EYS: variants seen among roughly 807,000 people sequenced by gnomAD.
The protein encoded by EYS is EGF-like photoreceptor maintenance factor, also known as protein eyes shut homolog.
Under a neutral mutation model 282.1 loss-of-function variants are expected in EYS, and 250 were observed. That is an observed-to-expected ratio of 0.89 (90% CI 0.80 to 0.98). The LOEUF is 0.98. Ranked by LOEUF, EYS falls within the 50% of genes least tolerant of loss-of-function variation. The probability of loss-of-function intolerance (pLI) is 0.00; values close to 1 mark genes in which losing one functional copy is unlikely to be tolerated. For synonymous variants in EYS, 1,355 were observed against 1,282.9 expected (o/e 1.06, Z -1.20); for missense variants, 4,016 against 3,709.0 (o/e 1.08, Z -2.15).
At chr6:64,114,500 A>G (rs1372339889) in intron 31 of EYS, among the ~76,000 whole-genome samples, 2 of 152,170 alleles carry the variant, frequency 1.3e-5, no homozygotes, top group Non-Finnish European at 2.9e-5. Context: ...CTATAGCAGC[A>G]CAATAGGGCA....
At chr6:64,954,935 G>C (rs1297293068) in intron 14 of EYS, among the ~76,000 whole-genome samples, 1 of 152,152 alleles carries the variant, frequency 6.6e-6, no homozygotes, top group African/African-American at 2.4e-5. Flanking sequence ...TTGGAAGGCT[G>C]AGGCAGGTAG....
rs150384316 is a variant in EYS, at chr6:64,071,895, C to T, written c.6572-5404G>A. Among the ~76,000 whole-genome samples the T allele has an allele frequency of 2.3e-4, 35 of 151,696 alleles. No homozygotes were observed. In the East Asian group the frequency reaches 6.9e-3, roughly 30 times the overall value. On this transcript the variant is annotated intron_variant, in intron 32 of 42. Coordinates refer to ENST00000503581, the MANE Select transcript of EYS (RefSeq NM_001142800.2). ...GTCCCTGATACTAGGGAACATTTTA[C>T]TCTCGCACTGGACAAAGATGCCCAC...
chr6:65,704,269 A>T (rs1258260093), intron 1 of EYS, among the ~76,000 whole-genome samples: 1 of 152,226 alleles, frequency 6.6e-6, no homozygotes, highest in Non-Finnish European at 1.5e-5. Flanking sequence ...CTTCAACTCA[A>T]CTAGATGAGA....
intron 26 of EYS, among the ~76,000 whole-genome samples, chr6:64,521,845 A>G (rs933821350): frequency 4.0e-5 from 6 of 151,842 alleles, no homozygotes; most frequent in African/African-American, 7.3e-5. Flanking sequence ...CATGCAGCAT[A>G]TAATGAGAGC....
chr6:64,472,623 A>G (rs1776152506), intron 26 of EYS, among the ~76,000 whole-genome samples: 1 of 152,206 alleles, frequency 6.6e-6, no homozygotes, highest in African/African-American at 2.4e-5. Flanking sequence ...TATTTCACAT[A>G]TAAAATTTAG....
intron 13 of EYS, among the ~76,000 whole-genome samples, chr6:65,038,131 T>G (rs1477941106): frequency 6.6e-6 from 1 of 151,586 alleles, no homozygotes; most frequent in African/African-American, 2.4e-5. Context: ...CATCCTGTTC[T>G]TAGCTAAAAT....
At chr6:65,134,195 A>G (rs1284833851) in intron 12 of EYS, among the ~76,000 whole-genome samples, 1 of 152,124 alleles carries the variant, frequency 6.6e-6, no homozygotes, top group East Asian at 1.9e-4. Context: ...CATTGTGGAA[A>G]GCAGTGTGGT....
At chr6:64,932,379 T>TA (rs1768756038) in intron 15 of EYS, among the ~76,000 whole-genome samples, 2 of 152,142 alleles carry the variant, frequency 1.3e-5, no homozygotes, top group East Asian at 1.9e-4. Context: ...TTCACTCTTA[T>TA]AAAAAACCAT....
At chr6:63,880,497 A>ATCTATCTC (rs1554184446) in intron 35 of EYS, among the ~76,000 whole-genome samples, 1 of 151,676 alleles carries the variant, frequency 6.6e-6, no homozygotes, top group African/African-American at 2.4e-5. Flanking sequence ...GTATCTATCT[A>ATCTATCTC]TCTATCTATC....
intron 30 of EYS, among the ~76,000 whole-genome samples, chr6:64,243,567 C>A (rs1766908144): frequency 6.6e-6 from 1 of 152,208 alleles, no homozygotes; most frequent in Non-Finnish European, 1.5e-5. Context: ...AATCTTCATA[C>A]ATCTCATTCC....
chr6:63,986,314 A>G (rs757625467), intron 34 of EYS, among the ~76,000 whole-genome samples: 7 of 151,856 alleles, frequency 4.6e-5, no homozygotes, highest in Admixed American at 4.6e-4. Flanking sequence ...ACACTTATAC[A>G]CTGTTGGTGG....
intron 22 of EYS, among the ~76,000 whole-genome samples, chr6:64,753,150 G>T (rs1772819444): frequency 6.6e-6 from 1 of 152,042 alleles, no homozygotes; most frequent in Non-Finnish European, 1.5e-5. Context: ...AAAACACACA[G>T]AAGTATAACT....
chr6:65,154,681 A>G (rs1764692252), intron 12 of EYS, among the ~76,000 whole-genome samples: 2 of 151,588 alleles, frequency 1.3e-5, no homozygotes, highest in Admixed American at 1.3e-4. Flanking sequence ...TCCCTTCACT[A>G]AGTACATTTA....
At chr6:64,697,507 T>C (rs1375692942) in intron 22 of EYS, among the ~76,000 whole-genome samples, 1 of 152,108 alleles carries the variant, frequency 6.6e-6, no homozygotes, top group African/African-American at 2.4e-5. Flanking sequence ...AAGAATCACT[T>C]AACACTTTAA....
intron 1 of EYS, among the ~76,000 whole-genome samples, chr6:65,684,759 G>A (rs1025907351): frequency 1.3e-5 from 2 of 151,982 alleles, no homozygotes; most frequent in Admixed American, 6.6e-5. Context: ...TGGGTACATC[G>A]TGTGTCACGG....
intron 36 of EYS, among the ~76,000 whole-genome samples, chr6:63,828,762 A>G (rs1331115047): frequency 1.3e-5 from 2 of 152,226 alleles, no homozygotes; most frequent in Non-Finnish European, 2.9e-5. Context: ...ATGTGATACC[A>G]CTATACTCCT....
At chr6:64,601,919 A>G (rs779466425) in intron 24 of EYS, among the ~76,000 whole-genome samples, 27 of 151,908 alleles carry the variant, frequency 1.8e-4, no homozygotes, top group Non-Finnish European at 3.5e-4. Flanking sequence ...TTTCCTCCTC[A>G]TGACCCTTGT....
intron 13 of EYS, among the ~76,000 whole-genome samples, chr6:65,012,411 C>T (rs905299120): frequency 6.6e-6 from 1 of 152,140 alleles, no homozygotes; most frequent in Admixed American, 6.5e-5. Context: ...CTAAAATGTA[C>T]AGTACATAGG....
At chr6:64,192,158 C>T (rs868108630) in intron 31 of EYS, among the ~76,000 whole-genome samples, 1 of 145,614 alleles carries the variant, frequency 6.9e-6, no homozygotes, top group Non-Finnish European at 1.5e-5. Context: ...TGTCCTTCGC[C>T]CACTTTTTGA....
Sources: allele counts gnomAD v4.1 joint callset (sites outside exome capture counted in the v4.1 genomes callset), GRCh38; gene constraint gnomAD v4.1.1; transcripts MANE v1.5; gene names NCBI Gene and HGNC (gene_info 2026-07-23, HGNC 2026-07-21).